The following MCF2L2 variants were observed in gnomAD, a reference collection of about 807,000 sequenced individuals.
MCF2L2 encodes MCF.2 cell line derived transforming sequence-like 2.
Under a neutral mutation model 150.2 loss-of-function variants are expected in MCF2L2, and 102 were observed. The observed-to-expected ratio is 0.68, with a 90% CI of 0.58 to 0.80. The LOEUF (loss-of-function observed/expected upper bound fraction) is 0.80, where lower values mean the gene tolerates loss of function less well. Among genes scored for constraint, MCF2L2 ranks in the 30% least tolerant of loss-of-function variants. MCF2L2 has a pLI of 0.00. For synonymous variants in MCF2L2, 465 were observed against 491.3 expected (o/e 0.95, Z 0.71); for missense variants, 1,256 against 1,372.8 (o/e 0.91, Z 1.34).
At chr3:183,213,634 C>A (rs887925071) in intron 22 of MCF2L2, among the ~76,000 whole-genome samples, 1 of 152,142 alleles carries the variant, frequency 6.6e-6, no homozygotes, top group Non-Finnish European at 1.5e-5. Context: ...ATCTCAGAAT[C>A]ATTTGAGCTG....
At chr3:183,182,086 C>T (rs778252583) in intron 27 of MCF2L2, among the ~76,000 whole-genome samples, 6 of 152,144 alleles carry the variant, frequency 3.9e-5, no homozygotes, top group Non-Finnish European at 5.9e-5. Context: ...CACAGAGGGG[C>T]TCTCAGACCC....
At chr3:183,210,094 A>C (rs1442936847) in intron 22 of MCF2L2, among the ~76,000 whole-genome samples, 1 of 152,222 alleles carries the variant, frequency 6.6e-6, no homozygotes, top group African/African-American at 2.4e-5. Flanking sequence ...GATAGAAAAT[A>C]ACCGAGGGAA....
At chr3:183,361,102 C>CAAGACAAGAA (rs1325681167) in intron 3 of MCF2L2, among the ~76,000 whole-genome samples, 1 of 97,366 alleles carries the variant, frequency 1.0e-5, no homozygotes, top group African/African-American at 4.4e-5. Flanking sequence ...CAAGACAAGA[C>CAAGACAAGAA]AAGAAAAGAA....
At chr3:183,421,482 A>G (rs1715878858) in intron 1 of MCF2L2, among the ~76,000 whole-genome samples, 1 of 152,164 alleles carries the variant, frequency 6.6e-6, no homozygotes, top group Non-Finnish European at 1.5e-5. Flanking sequence ...TTTTATAGAG[A>G]CAAGGTCTTG....
At chr3:183,411,675 T>C (rs1397905072) in intron 1 of MCF2L2, among the ~76,000 whole-genome samples, 3 of 152,082 alleles carry the variant, frequency 2.0e-5, no homozygotes, top group Non-Finnish European at 4.4e-5. Context: ...GGATGGCCTG[T>C]AGCCATAGCT....
In MCF2L2 at chr3:183,414,005, G is replaced by A. The variant is rs1032608244; in HGVS notation, c.76+13897C>T. On this transcript the variant is annotated intron_variant, in intron 1 of 29. Coordinates refer to ENST00000328913, the MANE Select transcript of MCF2L2 (RefSeq NM_015078.4). Reference sequence around the variant, plus strand: ...AACCTATGTTGTTCAAGGGTCAACTGTATATTCATAAGAGATTTAGCCTAT... The same window carrying A: ...AACCTATGTTGTTCAAGGGTCAACTATATATTCATAAGAGATTTAGCCTAT... 9.2e-5 allele frequency among the ~76,000 whole-genome samples: 14 copies of A among 152,286 alleles called. 1 individual carries two copies. In the South Asian group the frequency reaches 2.7e-3, roughly 29 times the overall value.
intron 1 of MCF2L2, among the ~76,000 whole-genome samples, chr3:183,399,628 C>T (rs1436284581): frequency 4.6e-5 from 7 of 152,208 alleles, no homozygotes; most frequent in African/African-American, 1.4e-4. Flanking sequence ...TACTCTGAGA[C>T]CATCAGTCTG....
chr3:183,227,580 C>T lies in MCF2L2; in HGVS notation c.2115+717G>A, dbSNP rs757546982. On this transcript the variant is annotated intron_variant, in intron 18 of 29. Transcript: ENST00000328913. This position sits in a 1 kb window ranked among gnomAD's most constrained non-coding sequence, Gnocchi z 4.0. ...CAGCTTTATTGTGGGACTCTAACCT[C>T]GCTGTATGATTCTTGTTTTAAAACG... 3 of 152,178 alleles carry T rather than the reference C, an allele frequency of 2.0e-5. No individual in the cohort carries two copies. The highest frequency in any genetic ancestry group is 4.4e-5 in the Non-Finnish European group (3 of 68,026). 9.4% of individuals were successfully genotyped at this position (152,178 alleles called of 1,614,324 possible). A position where few individuals can be genotyped will look rare whatever the true frequency, so the allele number is the denominator to read the frequency against.
At chr3:183,412,909 A>G (rs1577135936) in intron 1 of MCF2L2, among the ~76,000 whole-genome samples, 1 of 152,144 alleles carries the variant, frequency 6.6e-6, no homozygotes, top group Admixed American at 6.5e-5. Context: ...TTCTACTCCT[A>G]GAAGTGTTTG....
At chr3:183,354,701 T>C (rs1711657561) in intron 3 of MCF2L2, among the ~76,000 whole-genome samples, 1 of 152,238 alleles carries the variant, frequency 6.6e-6, no homozygotes, top group African/African-American at 2.4e-5. Context: ...TGTTTGCCTG[T>C]AACTCCTGTC....
At position 183,325,465 on chromosome 3, in the gene MCF2L2, T is replaced by A. The variant is rs76690352; in HGVS notation, c.487-2114A>T. Among the ~76,000 whole-genome samples, 35 of 152,294 alleles carry A rather than the reference T, an allele frequency of 2.3e-4. No individual in the cohort carries two copies. In the East Asian group the frequency reaches 6.0e-3, roughly 26 times the overall value. On this transcript the variant is annotated intron_variant, in intron 5 of 29. Transcript: ENST00000328913. ...AAAATGTATCTTTATAATATGAGAA[T>A]GGATAAAAACCTGAATCTATCTGTG...
intron 3 of MCF2L2, among the ~76,000 whole-genome samples, chr3:183,343,534 C>T (rs964476344): frequency 1.3e-5 from 2 of 152,010 alleles, no homozygotes; most frequent in African/African-American, 2.4e-5. Flanking sequence ...CCACACCCGG[C>T]TAATTTTTGT....
chr3:183,228,703 T>G (rs780957263), intron 17 of MCF2L2, among the ~76,000 whole-genome samples: 4 of 152,150 alleles, frequency 2.6e-5, no homozygotes, highest in African/African-American at 4.8e-5. Context: ...CATCTCCAAT[T>G]ATCAGAACAC....
rs924740739 is a variant in MCF2L2 at position 183,197,796 on chromosome 3, A to C, written c.2885-2541T>G. Among the ~76,000 whole-genome samples the C allele has an allele frequency of 6.6e-6, 1 of 152,206 alleles. No homozygotes were observed. The highest frequency in any genetic ancestry group is 6.5e-5 in the Admixed American group (1 of 15,282). ...AAAGATTTGAACAGACACTTCACCAAAGAAGAGATAAAGATGGCAAAGAAG... is the reference window on the plus strand; with the variant it reads ...AAAGATTTGAACAGACACTTCACCACAGAAGAGATAAAGATGGCAAAGAAG... On this transcript the variant is annotated intron_variant, in intron 25 of 29. Transcript: ENST00000328913. This position sits in a 1 kb window ranked among gnomAD's most constrained non-coding sequence, Gnocchi z 4.5.
chr3:183,333,906 A>G (rs1730363986), intron 5 of MCF2L2, among the ~76,000 whole-genome samples: 1 of 151,058 alleles, frequency 6.6e-6, no homozygotes, highest in Non-Finnish European at 1.5e-5. Context: ...GCTGGATCAG[A>G]GCATGCCTGA....
chr3:183,298,765 G>GCGCACGCACACACACACACA, intron 11 of MCF2L2: 2 of 138,500 alleles, frequency 1.4e-5, no homozygotes, highest in Non-Finnish European at 3.1e-5. Flanking sequence ...AAACACACAT[G>GCGCACGCACACACACACACA]CACACACACA....
chr3:183,271,034 A>T, intron 15 of MCF2L2: 1 of 1,172,208 alleles, frequency 8.5e-7, no homozygotes, highest in South Asian at 1.8e-5. Flanking sequence ...ATGAGGACGA[A>T]AGACAAATAT....
At chr3:183,295,601 T>G (rs1463829157) in intron 12 of MCF2L2, 124 bp from the exon 13 acceptor site, 1 of 878,656 alleles carries the variant, frequency 1.1e-6, no homozygotes, top group African/African-American at 1.7e-5. Context: ...GGTGACCCCC[T>G]CTGGGCATCA....
chr3:183,193,013 G>C lies in MCF2L2; in HGVS notation c.3002C>G (p.Thr1001Arg). The C allele has an allele frequency of 6.2e-7, 1 of 1,614,058 alleles. No homozygotes were observed. The highest frequency in any genetic ancestry group is 8.5e-7 in the Non-Finnish European group (1 of 1,179,930). The change falls in exon 27 of 30, where the codon ACA becomes AGA. Residue 1001 changes from threonine to arginine, a missense_variant. Physicochemically the swap from Thr to Arg is moderately conservative, Grantham distance 71 (BLOSUM62 -1). Transcript: ENST00000328913. ...ACCCTCCCTACCTTTAATCCCTCCT[G>C]TGCTGGAGGCCGGGTCTTCCTTGCT... ...TTSKEDPASSTGGIKGCSSRE... is the reference protein window; with the variant it reads ...TTSKEDPASSRGGIKGCSSRE...
Sources: gnomAD v4.1 joint callset for allele counts (sites outside exome capture counted in the v4.1 genomes callset) on GRCh38, gnomAD v4.1.1 for gene constraint, Gnocchi (gnomAD v3.1) non-coding constraint, MANE v1.5 for transcripts, NCBI Gene and HGNC (gene_info 2026-07-23, HGNC 2026-07-21) for gene names.